The following ZNF804B variants were observed in gnomAD, a reference collection of about 807,000 sequenced individuals.
The protein encoded by ZNF804B is zinc finger 804B.
Under a neutral mutation model 101.4 loss-of-function variants are expected in ZNF804B, and 80 were observed. That is an observed-to-expected ratio of 0.79 (90% confidence interval 0.66 to 0.95). The LOEUF (loss-of-function observed/expected upper bound fraction) is 0.95, where lower values mean the gene tolerates loss of function less well. Ranked by LOEUF, ZNF804B falls within the 40% of genes least tolerant of loss-of-function variation. The pLI, the probability that ZNF804B is intolerant of heterozygous loss-of-function variation, is 0.00. For synonymous variants in ZNF804B, 622 were observed against 558.8 expected (o/e 1.11, Z -1.59); for missense variants, 1,673 against 1,561.9 (o/e 1.07, Z -1.20).
intron 1 of ZNF804B, among the ~76,000 whole-genome samples, chr7:88,829,263 A>T (rs10231039): frequency 0.46 from 69,518 of 151,712 alleles, 16,828 homozygotes; most frequent in East Asian, 0.81. Flanking sequence ...AACATTTTTA[A>T]TTTTTTTAAA....
At chr7:89,263,849 AGCCCTGC>A (rs1584090845) in intron 2 of ZNF804B, among the ~76,000 whole-genome samples, 3 of 152,342 alleles carry the variant, frequency 2.0e-5, no homozygotes, top group Non-Finnish European at 4.4e-5. Context: ...GAGGAAGTGT[AGCCCTGC>A]TGACATTTTG....
At chr7:89,097,664 G>A (rs773280462) in intron 1 of ZNF804B, among the ~76,000 whole-genome samples, 40 of 152,262 alleles carry the variant, frequency 2.6e-4, no homozygotes, top group South Asian at 6.2e-4. Flanking sequence ...ATAATAGTGT[G>A]TATTTTGAAA....
chr7:88,828,124 G>A (rs960595908), intron 1 of ZNF804B, among the ~76,000 whole-genome samples: 61 of 152,018 alleles, frequency 4.0e-4, no homozygotes, highest in Admixed American at 3.9e-3. Flanking sequence ...CTACAAGGTC[G>A]TCAGTGACAT....
At chr7:89,130,005 C>T (rs1266785895) in intron 1 of ZNF804B, among the ~76,000 whole-genome samples, 3 of 151,868 alleles carry the variant, frequency 2.0e-5, no homozygotes, top group Admixed American at 6.6e-5. Context: ...TAGACTTCTC[C>T]TTCACCTTAA....
At chr7:89,325,695 A>G (rs1348609971) in intron 2 of ZNF804B, among the ~76,000 whole-genome samples, 1 of 151,966 alleles carries the variant, frequency 6.6e-6, no homozygotes, top group Non-Finnish European at 1.5e-5. Context: ...AAATGAATCA[A>G]TTTCCTTCTC....
chr7:88,885,698 T>G (rs986941355), intron 1 of ZNF804B, among the ~76,000 whole-genome samples: 4 of 151,174 alleles, frequency 2.6e-5, no homozygotes, highest in African/African-American at 9.7e-5. Context: ...TTTCATAAGT[T>G]TTACTTTTCA....
At chr7:88,902,282 G>A (rs1244362019) in intron 1 of ZNF804B, among the ~76,000 whole-genome samples, 1 of 151,864 alleles carries the variant, frequency 6.6e-6, no homozygotes, top group Non-Finnish European at 1.5e-5. Flanking sequence ...TTTCATAGTT[G>A]TCTTATGCAT....
At chr7:89,132,350 G>A (rs1372524581) in intron 1 of ZNF804B, among the ~76,000 whole-genome samples, 3 of 151,978 alleles carry the variant, frequency 2.0e-5, no homozygotes, top group Non-Finnish European at 4.4e-5. Context: ...ATCTTGAAGT[G>A]TGCCTTGAAA....
chr7:88,864,057 C>T (rs1003168044), intron 1 of ZNF804B, among the ~76,000 whole-genome samples: 1 of 152,212 alleles, frequency 6.6e-6, no homozygotes, highest in African/African-American at 2.4e-5. Flanking sequence ...CAGAAACACA[C>T]ACCTGCATTC....
In ZNF804B at chr7:88,974,104, GA is replaced by G. The variant is rs373405568; in HGVS notation, c.108+214021del. ...ATTCCTCCTATAGGGGATATATAGGGATTCCCGAAGTGGCAGAAGTCACCTT... is the reference window on the plus strand; with the variant it reads ...ATTCCTCCTATAGGGGATATATAGGGTTCCCGAAGTGGCAGAAGTCACCTT... On this transcript the variant is annotated intron_variant, in intron 1 of 3. Transcript: ENST00000333190. Among the ~76,000 whole-genome samples the G allele has an allele frequency of 3.0e-3, 461 of 151,394 alleles. 3 individuals carry two copies. The highest frequency in any genetic ancestry group is 0.011 in the African/African-American group (436 of 41,484).
At chr7:88,794,360 C>T (rs764368815) in intron 1 of ZNF804B, 1 of 1,613,692 alleles carries the variant, frequency 6.2e-7, no homozygotes, top group Non-Finnish European at 8.5e-7. Flanking sequence ...TCGCCTGGTC[C>T]TTTAGTGCCT....
At position 89,262,162 on chromosome 7, in the gene ZNF804B, C is replaced by T. The variant is rs576550025; in HGVS notation, c.249+43867C>T. ...TTCAACTTCGTTGATTGACCTGGAA[C>T]CCTTAAAGGAGAAAAAGAATCTATC... On this transcript the variant is annotated intron_variant, in intron 2 of 3. Transcript: ENST00000333190. Among the ~76,000 whole-genome samples, 24 of 152,292 alleles carry T rather than the reference C, an allele frequency of 1.6e-4. No individual in the cohort carries two copies. In the South Asian group the frequency reaches 4.3e-3, roughly 28 times the overall value.
intron 1 of ZNF804B, among the ~76,000 whole-genome samples, chr7:88,874,711 T>C (rs1409985951): frequency 6.6e-6 from 1 of 152,166 alleles, no homozygotes; most frequent in Non-Finnish European, 1.5e-5. Flanking sequence ...AGGCCTTTTC[T>C]GCATCTATTG....
chr7:89,123,145 G>A (rs1259873253), intron 1 of ZNF804B, among the ~76,000 whole-genome samples: 1 of 120,004 alleles, frequency 8.3e-6, no homozygotes, highest in Non-Finnish European at 1.7e-5. Context: ...TGAGCCCCAG[G>A]ACCAAGTTCA....
At chr7:88,841,487 A>G (rs909179127) in intron 1 of ZNF804B, among the ~76,000 whole-genome samples, 1 of 152,102 alleles carries the variant, frequency 6.6e-6, no homozygotes, top group Non-Finnish European at 1.5e-5. Flanking sequence ...CAATGCTGGG[A>G]AGGTAATATG....
At chr7:88,842,712 C>T (rs1454387624) in intron 1 of ZNF804B, among the ~76,000 whole-genome samples, 1 of 152,166 alleles carries the variant, frequency 6.6e-6, no homozygotes, top group Non-Finnish European at 1.5e-5. Context: ...CAGATATTTA[C>T]TGGGCTCTGC....
chr7:88,760,094 G>T lies in ZNF804B; in HGVS notation c.108+10G>T, dbSNP rs145065922. On this transcript the variant is annotated intron_variant, in intron 1 of 3. Transcript: ENST00000333190. ...CGGATCTCCCTCTCCGGTAATGTGC[G>T]CGCGCACACACATACATACACAAAC... 1 of 1,607,414 alleles carries T rather than the reference G, an allele frequency of 6.2e-7. No homozygotes were observed. Among genetic ancestry groups the T allele is most frequent in the Non-Finnish European group, 8.5e-7 (1 of 1,173,880 alleles).
At chr7:88,975,143 G>A (rs1793599294) in intron 1 of ZNF804B, among the ~76,000 whole-genome samples, 3 of 151,326 alleles carry the variant, frequency 2.0e-5, no homozygotes, top group African/African-American at 7.3e-5. Flanking sequence ...ACTCCATTGG[G>A]CATATGTACC....
At chr7:88,972,955 T>C (rs1197582506) in intron 1 of ZNF804B, among the ~76,000 whole-genome samples, 1 of 151,468 alleles carries the variant, frequency 6.6e-6, no homozygotes, top group Non-Finnish European at 1.5e-5. Flanking sequence ...TGCCCTCTGA[T>C]ACTATTCTTA....
Sources: gnomAD v4.1 joint callset for allele counts (sites outside exome capture counted in the v4.1 genomes callset) on GRCh38, gnomAD v4.1.1 for gene constraint, MANE v1.5 for transcripts, NCBI Gene and HGNC (gene_info 2026-07-23, HGNC 2026-07-21) for gene names.